ARID1B: variants seen among roughly 807,000 people sequenced by gnomAD.
The protein encoded by ARID1B is AT-rich interaction domain 1B.
In ARID1B, 30 loss-of-function variants were observed where a neutral mutation model predicts 212.3. That is an observed-to-expected ratio of 0.14 (90% confidence interval 0.11 to 0.19). The LOEUF (loss-of-function observed/expected upper bound fraction) is 0.19. Among genes scored for constraint, ARID1B ranks in the 10% least tolerant of loss-of-function variants. The pLI, the probability that ARID1B is intolerant of heterozygous loss-of-function variation, is 1.00. For synonymous variants in ARID1B, 1,402 were observed against 1,301.7 expected (o/e 1.08, Z -1.66); for missense variants, 2,891 against 3,204.0 (o/e 0.90, Z 2.36).
intron 15 of ARID1B, among the ~76,000 whole-genome samples, chr6:157,191,552 C>G (rs1793377097): frequency 6.6e-6 from 1 of 152,008 alleles, no homozygotes; most frequent in Non-Finnish European, 1.5e-5. Context: ...TTTATGACTG[C>G]CATCAGGAGA....
intron 2 of ARID1B, among the ~76,000 whole-genome samples, chr6:156,890,015 C>A (rs1287513106): frequency 6.6e-6 from 1 of 152,028 alleles, no homozygotes; most frequent in African/African-American, 2.4e-5. Flanking sequence ...ATAGCCTGGA[C>A]TGGAAATATA....
At chr6:156,794,169 A>G (rs1276938807) in intron 1 of ARID1B, among the ~76,000 whole-genome samples, 1 of 152,210 alleles carries the variant, frequency 6.6e-6, no homozygotes, top group African/African-American at 2.4e-5. Context: ...CAGTAGGGCC[A>G]CTGAAGAGCA....
chr6:156,846,021 G>A (rs971330336), intron 2 of ARID1B, among the ~76,000 whole-genome samples: 5 of 151,462 alleles, frequency 3.3e-5, no homozygotes, highest in Non-Finnish European at 7.4e-5. Flanking sequence ...CTCTTATTTC[G>A]TGGCTACAAT....
At position 157,049,509 on chromosome 6, in the gene ARID1B, G is replaced by A. The variant is rs1362756668; in HGVS notation, c.2248-35153G>A. On this transcript the variant is annotated intron_variant, in intron 4 of 19. Coordinates refer to ENST00000636930, the MANE Select transcript of ARID1B (RefSeq NM_001374828.1). ...TTTTTTCCCCTAGCTACACATGGCA[G>A]TTTAAAGCATTTAATTGGCTGTTTC... is the stretch of plus-strand genomic sequence containing the variant. Among the ~76,000 whole-genome samples the A allele has an allele frequency of 2.6e-5, 4 of 152,268 alleles. No individual in the cohort carries two copies. The East Asian group carries it at 7.7e-4, about 29-fold the overall frequency.
intron 4 of ARID1B, among the ~76,000 whole-genome samples, chr6:157,005,871 T>C (rs1583128047): frequency 6.6e-6 from 1 of 152,202 alleles, no homozygotes; most frequent in Non-Finnish European, 1.5e-5. Flanking sequence ...TAAAACTCTC[T>C]GGGGTCGCTT....
At chr6:156,795,942 A>G (rs1780342027) in intron 1 of ARID1B, among the ~76,000 whole-genome samples, 1 of 152,108 alleles carries the variant, frequency 6.6e-6, no homozygotes, top group African/African-American at 2.4e-5. Flanking sequence ...AATTTCACGT[A>G]AGCGGTCCTG....
At chr6:157,138,248 G>GTTGC (rs1789075774) in intron 7 of ARID1B, among the ~76,000 whole-genome samples, 2 of 151,722 alleles carry the variant, frequency 1.3e-5, no homozygotes, top group African/African-American at 2.4e-5. Flanking sequence ...TGGTTAGTTG[G>GTTGC]TTGTTGAGAC....
intron 4 of ARID1B, chr6:156,937,639 A>G (rs1792358757): frequency 6.6e-6 from 1 of 152,234 alleles, no homozygotes; most frequent in Admixed American, 6.5e-5. Context: ...GTAGTTTCAG[A>G]TAACTGACTG....
At chr6:156,945,233 CTTTTTTTTTTTTTTTTTT>C (rs1164805779) in intron 4 of ARID1B, among the ~76,000 whole-genome samples, 38 of 32,664 alleles carry the variant, frequency 1.2e-3, no homozygotes, top group East Asian at 1.8e-3. Context: ...CCGCATCCGG[CTTTTTTTTTTTTTTTTTT>C]TTTTTTTTTT....
chr6:157,086,296 A>G, intron 5 of ARID1B, among the ~76,000 whole-genome samples: 1 of 152,206 alleles, frequency 6.6e-6, no homozygotes, highest in African/African-American at 2.4e-5. Flanking sequence ...TTTCGATGTT[A>G]TCTTTCTTTC....
At chr6:156,976,090 T>C (rs1462140921) in intron 4 of ARID1B, among the ~76,000 whole-genome samples, 1 of 151,962 alleles carries the variant, frequency 6.6e-6, no homozygotes, top group African/African-American at 2.4e-5. Flanking sequence ...AGGGGGTGTA[T>C]TGTCACAAAG....
At chr6:157,083,493 C>T (rs554260715) in intron 4 of ARID1B, among the ~76,000 whole-genome samples, 2 of 152,308 alleles carry the variant, frequency 1.3e-5, no homozygotes, top group African/African-American at 4.8e-5. Flanking sequence ...GCTTTGTCTG[C>T]GTCCTCTTCT....
chr6:157,191,678 T>C (rs1793385529), intron 15 of ARID1B, among the ~76,000 whole-genome samples: 1 of 152,198 alleles, frequency 6.6e-6, no homozygotes, highest in African/African-American at 2.4e-5. Flanking sequence ...AAGCCACAAG[T>C]GGAGACTTGA....
chr6:156,941,973 A>G (rs903407019), intron 4 of ARID1B: 1 of 152,216 alleles, frequency 6.6e-6, no homozygotes, highest in Non-Finnish European at 1.5e-5. Context: ...CTTAGTGGTA[A>G]TGTTTTAATT....
intron 4 of ARID1B, among the ~76,000 whole-genome samples, chr6:156,998,940 G>A (rs151040146): frequency 6.6e-6 from 1 of 152,248 alleles, no homozygotes; most frequent in East Asian, 1.9e-4. Flanking sequence ...GGCTTCACTG[G>A]TGTGAGAACA....
intron 4 of ARID1B, among the ~76,000 whole-genome samples, chr6:157,065,138 A>G (rs190243353): frequency 2.2e-4 from 33 of 152,368 alleles, no homozygotes; most frequent in South Asian, 1.4e-3. Flanking sequence ...CCACGTCCCT[A>G]TCTAACCCAT....
chr6:156,782,097 C>A (rs1331570555), intron 1 of ARID1B, among the ~76,000 whole-genome samples: 7 of 139,360 alleles, frequency 5.0e-5, no homozygotes, highest in Non-Finnish European at 7.6e-5. Context: ...GTCTTTTTTA[C>A]AATCCTTTTT....
chr6:157,169,845 A>G (rs955614422), intron 9 of ARID1B: 3 of 152,216 alleles, frequency 2.0e-5, no homozygotes, highest in African/African-American at 7.2e-5. Flanking sequence ...AGGAGCGGCC[A>G]TATGTGCTGC....
intron 5 of ARID1B, among the ~76,000 whole-genome samples, chr6:157,110,070 A>C (rs1353860429): frequency 1.3e-5 from 2 of 152,176 alleles, no homozygotes; most frequent in Admixed American, 1.3e-4. Context: ...TACTGATTGG[A>C]TATTACCATG....
Sources: gnomAD v4.1 joint callset for allele counts (sites outside exome capture counted in the v4.1 genomes callset) on GRCh38, gnomAD v4.1.1 for gene constraint, MANE v1.5 for transcripts, NCBI Gene and HGNC (gene_info 2026-07-23, HGNC 2026-07-21) for gene names.